The following GLB1L3 variants were observed in gnomAD, a reference collection of about 807,000 sequenced individuals.
The protein encoded by GLB1L3 is beta-galactosidase-1-like protein 3.
A neutral mutation model predicts 89.5 loss-of-function variants in GLB1L3; 89 were observed. That is an observed-to-expected ratio of 0.99 (90% CI 0.84 to 1.19). The LOEUF (loss-of-function observed/expected upper bound fraction) is 1.19, where lower values mean the gene tolerates loss of function less well. Among genes scored for constraint, GLB1L3 ranks in the 50% most tolerant of loss-of-function variants. GLB1L3 has a pLI of 0.00. For synonymous variants in GLB1L3, 314 were observed against 312.3 expected, an observed-to-expected ratio of 1.01 and a Z score of -0.06; for missense variants, 812 against 813.3, an observed-to-expected ratio of 1.00 and a Z score of 0.02.
intron 9 of GLB1L3, among the ~76,000 whole-genome samples, chr11:134,294,359 C>T (rs1010317777): frequency 3.9e-5 from 6 of 152,180 alleles, no homozygotes; most frequent in Admixed American, 3.9e-4. Flanking sequence ...TGAGCCACTG[C>T]GCCTGGATTT....
At chr11:134,317,328 G>A (rs926267636) in intron 18 of GLB1L3, among the ~76,000 whole-genome samples, 2 of 152,058 alleles carry the variant, frequency 1.3e-5, no homozygotes, top group African/African-American at 2.4e-5. Context: ...TCCATTCCAC[G>A]CTAGCCTGCA....
At chr11:134,324,710 C>G in the GLB1L3 span, among the ~76,000 whole-genome samples, 1 of 152,084 alleles carries the variant, frequency 6.6e-6, no homozygotes, top group South Asian at 2.1e-4. Flanking sequence ...CCAAAGAAGA[C>G]TTTTTCTTCA....
chr11:134,315,656 G>C (rs1203991957), intron 18 of GLB1L3, among the ~76,000 whole-genome samples: 1 of 152,022 alleles, frequency 6.6e-6, no homozygotes, highest in Non-Finnish European at 1.5e-5. Context: ...CTTGTCATTT[G>C]TTACAGGATA....
At chr11:134,301,044 C>T (rs781487577) in intron 9 of GLB1L3, among the ~76,000 whole-genome samples, 11 of 152,236 alleles carry the variant, frequency 7.2e-5, no homozygotes, top group Non-Finnish European at 1.2e-4. Flanking sequence ...TCCGTCTCGG[C>T]TCCCTTGACT....
In GLB1L3 at chr11:134,283,783, A is replaced by C; in HGVS notation, c.574A>C (p.Ser192Arg). ...PRLLLRTTNK[S>R]FIEAVEKYFD... ...GTTACTGTTGAGGACAACCAACAAGAGCTTCATTGAAGCAGTTGAGAAGTA... is the reference window on the plus strand; with the variant it reads ...GTTACTGTTGAGGACAACCAACAAGCGCTTCATTGAAGCAGTTGAGAAGTA... Residue 192 changes from serine to arginine, a missense_variant, in exon 6 of 20, where the codon AGC becomes CGC. Ser to Arg is a moderately radical substitution (Grantham distance 110). Transcript: ENST00000431683. The C allele has an allele frequency of 1.2e-6, 2 of 1,613,210 alleles. No homozygotes were observed. Among genetic ancestry groups the C allele is most frequent in the Non-Finnish European group, 1.7e-6 (2 of 1,179,620 alleles).
At position 134,319,121 on chromosome 11, in the gene GLB1L3, A is replaced by AT; in HGVS notation, c.*185dup. On this transcript the variant is annotated 3_prime_UTR_variant, in exon 20 of 20. Transcript: ENST00000431683. ...AGGTGCACGCCACCACGCCTGGCTA[A>AT]TTTTTTGTATTTTTAGTAGAGATGG... The AT allele has an allele frequency of 1.8e-6, 1 of 550,568 alleles. No homozygotes were observed. Among genetic ancestry groups the AT allele is most frequent in the Non-Finnish European group, 3.2e-6 (1 of 309,074 alleles). 34.1% of individuals were successfully genotyped at this position (550,568 alleles called of 1,614,324 possible).
At chr11:134,278,361 G>A (rs889226782) in intron 3 of GLB1L3, among the ~76,000 whole-genome samples, 2 of 151,740 alleles carry the variant, frequency 1.3e-5, no homozygotes, top group Non-Finnish European at 2.9e-5. Flanking sequence ...CTTAGCTCAC[G>A]GCAGCTTCTA....
chr11:134,320,841 T>C (rs1304383055), downstream of GLB1L3, among the ~76,000 whole-genome samples: 4 of 152,174 alleles, frequency 2.6e-5, no homozygotes, highest in East Asian at 1.9e-4. Flanking sequence ...CCTTTCTCAA[T>C]GTCCCATAAG....
intron 12 of GLB1L3, 169 bp from the exon 13 acceptor site, chr11:134,310,895 C>CT (rs530043825): frequency 3.1e-6 from 2 of 644,318 alleles, no homozygotes; most frequent in South Asian, 1.9e-5. Context: ...ACCTTGGTCT[C>CT]CTGTGATGAC....
At chr11:134,308,446 TCACCACCACCACCAC>T (rs1164537686) in intron 10 of GLB1L3, among the ~76,000 whole-genome samples, 1 of 16,858 alleles carries the variant, frequency 5.9e-5, no homozygotes, top group African/African-American at 3.8e-4. Context: ...ACCACCACCA[TCACCACCACCACCAC>T]CACCACCACC....
downstream of GLB1L3, among the ~76,000 whole-genome samples, chr11:134,321,512 A>G (rs551466366): frequency 5.2e-4 from 79 of 152,336 alleles, 2 homozygotes; most frequent in South Asian, 0.016. Flanking sequence ...AAGACTTGGA[A>G]CCAACCCAAA....
At chr11:134,277,260 C>T (rs757956161) in intron 1 of GLB1L3, 66 bp from the exon 2 acceptor site, 2 of 1,607,398 alleles carry the variant, frequency 1.2e-6, no homozygotes, top group South Asian at 1.1e-5. Flanking sequence ...GGCACAGCTT[C>T]CCGGCCCTTG....
chr11:134,280,651 T>C (rs1940632841), intron 3 of GLB1L3, among the ~76,000 whole-genome samples: 1 of 152,192 alleles, frequency 6.6e-6, no homozygotes. Flanking sequence ...ACTTACAACA[T>C]ACAACAAGCT....
chr11:134,311,135 C>G lies in GLB1L3; in HGVS notation c.1252C>G (p.Leu418Val), dbSNP rs376480895. 1.2e-6 allele frequency: 2 copies of G among 1,613,790 alleles called. No individual in the cohort carries two copies. The highest frequency in any genetic ancestry group is 2.7e-5 in the African/African-American group (2 of 74,918). ...TCCCCCCGTGAGACCGTCGCTGTAC[C>G]TCCCGCTGTGGGACGCCCTATCCTA... is the stretch of plus-strand genomic sequence containing the variant. ...VYPPVRPSLY[L>V]PLWDALSYLN... The change falls in exon 13 of 20, where the codon CTC (leucine) becomes GTC (valine). Residue 418 changes from leucine to valine, a missense_variant. This residue lies in a region of GLB1L3 where 618 missense variants were observed against 604.0 expected (regional missense o/e 1.02). Coordinates refer to ENST00000431683, the MANE Select transcript of GLB1L3 (RefSeq NM_001080407.3).
intron 6 of GLB1L3, 82 bp from the exon 7 acceptor site, chr11:134,288,716 A>G: frequency 1.1e-6 from 1 of 935,728 alleles, no homozygotes; most frequent in South Asian, 1.6e-5. Context: ...CCAGCTGTGC[A>G]GCCTTCGGCA....
At position 134,309,634 on chromosome 11, in the gene GLB1L3, C is replaced by T. The variant is rs374782044; in HGVS notation, c.970C>T (p.His324Tyr). ...CATGTTCCCCTTTGCAGAGGTTGAA[C>T]ATGCTGTGTCTGAATTCATCAAATA... ...HHVKDAKEVEHAVSEFIKYEI... is the reference protein window; with the variant it reads ...HHVKDAKEVEYAVSEFIKYEI... Residue 324 changes from histidine to tyrosine, a missense_variant, in exon 11 of 20, where the codon CAT becomes TAT. Transcript: ENST00000431683. 30 of 1,600,792 alleles carry T rather than the reference C, an allele frequency of 1.9e-5. No homozygotes were observed. Among genetic ancestry groups the T allele is most frequent in the East Asian group, 4.5e-5 (2 of 44,606 alleles).
In GLB1L3 at chr11:134,277,685, G is replaced by A; in HGVS notation, c.150-15G>A. The A allele has an allele frequency of 6.3e-7, 1 of 1,592,994 alleles. No individual in the cohort carries two copies. Among genetic ancestry groups the A allele is most frequent in the Non-Finnish European group, 8.6e-7 (1 of 1,169,160 alleles). On this transcript the variant is annotated splice_polypyrimidine_tract_variant and intron_variant, in intron 2 of 19. Coordinates refer to ENST00000431683, the MANE Select transcript of GLB1L3 (RefSeq NM_001080407.3). ...TCTCCCTTTCCACTTTCTTTCCCTC[G>A]CCCGCCCCCTCCAGGTTTAATTGGT... is the stretch of plus-strand genomic sequence containing the variant.
intron 14 of GLB1L3, 123 bp from the exon 15 acceptor site, chr11:134,312,693 C>T (rs1942796195): frequency 3.1e-6 from 3 of 964,472 alleles, no homozygotes; most frequent in Non-Finnish European, 3.2e-6. Context: ...CAGCTTCATG[C>T]CATCAGTGAG....
At chr11:134,312,920 G>A (rs777518251) in intron 15 of GLB1L3, 33 bp downstream of exon 15, 48 of 1,419,438 alleles carry the variant, frequency 3.4e-5, no homozygotes, top group Admixed American at 7.1e-5. Flanking sequence ...TGATGCCCTC[G>A]ACCCCCCTCA....
Sources: gnomAD v4.1 joint callset for allele counts (sites outside exome capture counted in the v4.1 genomes callset) on GRCh38, gnomAD v4.1.1 for gene constraint, gnomAD v4.1.1 regional missense constraint, MANE v1.5 for transcripts, NCBI Gene and HGNC (gene_info 2026-07-23, HGNC 2026-07-21) for gene names.